ANO6: variants seen among roughly 807,000 people sequenced by gnomAD.
The protein encoded by ANO6 is anoctamin 6.
ANO6 carries 106 observed loss-of-function variants against 117.5 expected under a neutral mutation model. That is an observed-to-expected ratio of 0.90 (90% CI 0.77 to 1.06). ANO6 has a LOEUF of 1.06. ANO6 is among the 50% of genes least tolerant of loss of function. The probability of loss-of-function intolerance (pLI) is 0.00; values close to 1 mark genes in which losing one functional copy is unlikely to be tolerated. For synonymous variants in ANO6, 367 were observed against 385.1 expected, an observed-to-expected ratio of 0.95 and a Z score of 0.55; for missense variants, 955 against 1,121.1, an observed-to-expected ratio of 0.85 and a Z score of 2.12.
intron 1 of ANO6, among the ~76,000 whole-genome samples, chr12:45,251,381 GT>G (rs1947898995): frequency 6.6e-6 from 1 of 152,224 alleles, no homozygotes; most frequent in African/African-American, 2.4e-5. Flanking sequence ...ATATTTCATA[GT>G]TTTTGCACAG....
Position 45,403,437 on chromosome 12 carries a change from A to G in ANO6, c.1783-2A>G, listed in dbSNP as rs1942850083. The G allele has an allele frequency of 6.2e-7, 1 of 1,611,292 alleles. No individual in the cohort carries two copies. The highest frequency in any genetic ancestry group is 8.5e-7 in the Non-Finnish European group (1 of 1,177,572). ...AATGGTATTTTCTTTTTAACCTTCT[A>G]GTGTGACCCAGGTGGCTGTCTTCTT... On this transcript the variant is annotated splice_acceptor_variant, in intron 14 of 19. Transcript: ENST00000320560. LOFTEE classifies it high-confidence loss of function.
At position 45,309,651 on chromosome 12, in the gene ANO6, T is replaced by G. The variant is rs1409749546; in HGVS notation, c.150+7558T>G. Among the ~76,000 whole-genome samples, 29 of 150,762 alleles carry G rather than the reference T, an allele frequency of 1.9e-4. No individual in the cohort carries two copies. The Admixed American group carries it at 1.9e-3, about 10-fold the overall frequency. On this transcript the variant is annotated intron_variant, in intron 2 of 19. Coordinates refer to ENST00000320560, the MANE Select transcript of ANO6 (RefSeq NM_001025356.3). ...TTGGTGTTAGGGCTATTGAAAAATATTTTGGTCTATTTTATGGTCAATCCA... is the reference window on the plus strand; with the variant it reads ...TTGGTGTTAGGGCTATTGAAAAATAGTTTGGTCTATTTTATGGTCAATCCA...
chr12:45,270,759 T>G (rs1481252762), intron 1 of ANO6, among the ~76,000 whole-genome samples: 1 of 150,636 alleles, frequency 6.6e-6, no homozygotes, highest in Non-Finnish European at 1.5e-5. Flanking sequence ...AAAGCAAAAG[T>G]TATTTTTTTT....
intron 1 of ANO6, among the ~76,000 whole-genome samples, chr12:45,262,715 C>T (rs534794949): frequency 8.5e-5 from 13 of 152,248 alleles, no homozygotes; most frequent in African/African-American, 1.9e-4. Context: ...TGAGCCACTG[C>T]GCCCGGCTTT....
intron 2 of ANO6, among the ~76,000 whole-genome samples, chr12:45,315,362 C>T (rs1440132746): frequency 6.6e-6 from 1 of 151,910 alleles, no homozygotes; most frequent in Non-Finnish European, 1.5e-5. Flanking sequence ...TGCAGACAGT[C>T]CAGTTAGGAG....
intron 1 of ANO6, among the ~76,000 whole-genome samples, chr12:45,266,065 G>A (rs1031130195): frequency 6.6e-6 from 1 of 152,146 alleles, no homozygotes; most frequent in Non-Finnish European, 1.5e-5. Flanking sequence ...AACTTCCCCT[G>A]GCCATTCAAG....
intron 14 of ANO6, 28 bp downstream of exon 14, chr12:45,403,269 C>T: frequency 6.2e-7 from 1 of 1,607,012 alleles, no homozygotes; most frequent in Non-Finnish European, 8.5e-7. Context: ...TATTATCTTG[C>T]CAGTTTAAGC....
At chr12:45,426,626 A>T (rs539471950) in intron 19 of ANO6, among the ~76,000 whole-genome samples, 1 of 152,192 alleles carries the variant, frequency 6.6e-6, no homozygotes, top group East Asian at 1.9e-4. Context: ...ATTTTTGCTG[A>T]AAATCTGACT....
Position 45,409,465 on chromosome 12 carries a change from A to G in ANO6, c.1989A>G (p.Leu663=). Residue 663 remains leucine, a synonymous_variant, in exon 16 of 20, where the codon TTA becomes TTG. Coordinates refer to ENST00000320560, the MANE Select transcript of ANO6 (RefSeq NM_001025356.3). ...YHLQPMGKLG[L]FYEYLEMIIQ... Reference sequence around the variant, plus strand: ...TGCAGCCTATGGGCAAACTGGGATTATTTTATGAATATCTTGAAATGAGTA... The same window carrying G: ...TGCAGCCTATGGGCAAACTGGGATTGTTTTATGAATATCTTGAAATGAGTA... 1 of 1,613,898 alleles carries G rather than the reference A, an allele frequency of 6.2e-7. No individual in the cohort carries two copies. Among genetic ancestry groups the G allele is most frequent in the South Asian group, 1.1e-5 (1 of 91,084 alleles).
chr12:45,432,014 T>TGTCA lies in ANO6; in HGVS notation c.*2704_*2707dup, dbSNP rs1555182390. The TGTCA allele has an allele frequency of 4.1e-6, 4 of 985,308 alleles. No homozygotes were observed. The highest frequency in any genetic ancestry group is 3.5e-5 in the African/African-American group (2 of 57,262). 61.0% of individuals were successfully genotyped at this position (985,308 alleles called of 1,614,324 possible). On this transcript the variant is annotated 3_prime_UTR_variant, in exon 20 of 20. Coordinates refer to ENST00000320560, the MANE Select transcript of ANO6 (RefSeq NM_001025356.3). ...AACTAAACAAGGCCATCTTATAAACTGTCACCAAAGTCTTCCCTTTTTTAT... is the reference window on the plus strand; with the variant it reads ...AACTAAACAAGGCCATCTTATAAACTGTCAGTCACCAAAGTCTTCCCTTTTTTAT...
chr12:45,218,390 C>CTTTTTTTTTTTTTTTTTTTT (rs76855973), intron 1 of ANO6, among the ~76,000 whole-genome samples: 1 of 110,134 alleles, frequency 9.1e-6, no homozygotes, highest in African/African-American at 3.8e-5. Flanking sequence ...CTTTCTTTCT[C>CTTTTTTTTTTTTTTTTTTTT]TTTTTTTTTT....
chr12:45,423,101 G>A (rs758695615), intron 19 of ANO6, 39 bp downstream of exon 19: 2 of 1,469,408 alleles, frequency 1.4e-6, no homozygotes, highest in Admixed American at 3.3e-5. Context: ...ATAAGGATGT[G>A]TATTTGCAGA....
At chr12:45,292,656 T>C (rs767827200) in intron 1 of ANO6, 20 of 1,217,194 alleles carry the variant, frequency 1.6e-5, no homozygotes, top group Middle Eastern at 3.2e-4. Context: ...ATGTTTAACT[T>C]CTAGATGTAT....
At chr12:45,251,959 T>G (rs894349934) in intron 1 of ANO6, among the ~76,000 whole-genome samples, 1 of 152,204 alleles carries the variant, frequency 6.6e-6, no homozygotes, top group African/African-American at 2.4e-5. Flanking sequence ...CGATATAGTA[T>G]TTGCAAACAG....
intron 3 of ANO6, among the ~76,000 whole-genome samples, chr12:45,333,441 T>A (rs925054759): frequency 1.3e-5 from 2 of 152,034 alleles, no homozygotes; most frequent in Non-Finnish European, 2.9e-5. Context: ...GTTAAACAGA[T>A]CTAATACATT....
intron 1 of ANO6, among the ~76,000 whole-genome samples, chr12:45,247,692 A>G (rs1184981943): frequency 1.3e-5 from 2 of 152,176 alleles, no homozygotes; most frequent in Non-Finnish European, 2.9e-5. Flanking sequence ...GCAGATGACC[A>G]CTGTGTCTCT....
chr12:45,369,756 T>C (rs1461975663), intron 9 of ANO6, among the ~76,000 whole-genome samples: 1 of 152,230 alleles, frequency 6.6e-6, no homozygotes, highest in Admixed American at 6.5e-5. Flanking sequence ...TTTACAGATA[T>C]GCTTACCTTT....
rs371594801 is a variant in ANO6, at chr12:45,360,337, A to ATCT, written c.998+2916_998+2918dup. Among the ~76,000 whole-genome samples the ATCT allele has an allele frequency of 2.0e-3, 304 of 152,338 alleles. 1 individual carries two copies. Among genetic ancestry groups the ATCT allele is most frequent in the South Asian group, 7.5e-3 (36 of 4,832 alleles). ...ATCCTCTGAAGGAGAGGAATGCTGC[A>ATCT]TCTTCACATAGCAGAAGGCATAAGG... On this transcript the variant is annotated intron_variant, in intron 8 of 19. Transcript: ENST00000320560.
intron 9 of ANO6, among the ~76,000 whole-genome samples, chr12:45,373,302 T>C (rs1254288066): frequency 5.3e-5 from 8 of 151,850 alleles, no homozygotes; most frequent in Non-Finnish European, 8.8e-5. Flanking sequence ...GACAGATCAA[T>C]GAGACAGAAA....
Sources: allele counts gnomAD v4.1 joint callset (sites outside exome capture counted in the v4.1 genomes callset), GRCh38; gene constraint gnomAD v4.1.1; transcripts MANE v1.5; gene names NCBI Gene and HGNC (gene_info 2026-07-23, HGNC 2026-07-21).